Variants in TCF7L2 observed in about 807,000 individuals in gnomAD.
The protein encoded by TCF7L2 is transcription factor 7-like 2.
TCF7L2 carries 23 observed loss-of-function variants against 77.9 expected under a neutral mutation model. The observed-to-expected ratio is 0.30, with a 90% CI of 0.21 to 0.42. The LOEUF (loss-of-function observed/expected upper bound fraction) is 0.42, where lower values mean the gene tolerates loss of function less well. Ranked by LOEUF, TCF7L2 falls within the 10% of genes least tolerant of loss-of-function variation. The pLI is 1.00. For missense variants in TCF7L2, 654 were observed against 793.1 expected (o/e 0.82, Z 2.11); for synonymous variants, 413 against 340.2 (o/e 1.21, Z -2.36).
intron 5 of TCF7L2, among the ~76,000 whole-genome samples, chr10:113,051,333 C>T (rs2054447468): frequency 6.6e-6 from 1 of 151,974 alleles, no homozygotes; most frequent in Admixed American, 6.6e-5. Context: ...CTGTATGGCA[C>T]CATGGAGTTC....
intron 4 of TCF7L2, among the ~76,000 whole-genome samples, chr10:112,993,764 T>C (rs1239613946): frequency 6.6e-6 from 1 of 152,010 alleles, no homozygotes; most frequent in Non-Finnish European, 1.5e-5. Context: ...TTTCTTTTTT[T>C]TGAAAGTAGT....
intron 5 of TCF7L2, among the ~76,000 whole-genome samples, chr10:113,070,978 T>C (rs1265321561): frequency 6.6e-6 from 1 of 152,154 alleles, no homozygotes; most frequent in Non-Finnish European, 1.5e-5. Flanking sequence ...ACAACTAATA[T>C]ATTTTCTGCA....
At chr10:113,094,477 ACT>A (rs1425912335) in intron 5 of TCF7L2, among the ~76,000 whole-genome samples, 3 of 152,166 alleles carry the variant, frequency 2.0e-5, no homozygotes, top group Non-Finnish European at 4.4e-5. Context: ...CTAATTTAGA[ACT>A]CTCTACATTA....
At chr10:112,978,508 C>G (rs996263654) in intron 4 of TCF7L2, among the ~76,000 whole-genome samples, 1 of 151,720 alleles carries the variant, frequency 6.6e-6, no homozygotes, top group African/African-American at 2.4e-5. Flanking sequence ...CTCTGTCACC[C>G]AGGCTAGAGT....
intron 4 of TCF7L2, among the ~76,000 whole-genome samples, chr10:113,026,877 T>A (rs2049278192): frequency 6.6e-6 from 1 of 152,200 alleles, no homozygotes; most frequent in Non-Finnish European, 1.5e-5. Context: ...ATACCCAAAC[T>A]CGATGCTGTT....
chr10:113,100,278 C>T (rs750691316), intron 5 of TCF7L2, among the ~76,000 whole-genome samples: 23 of 152,214 alleles, frequency 1.5e-4, no homozygotes, highest in Non-Finnish European at 3.1e-4. Context: ...AGCATCCCCA[C>T]TGAAATGATA....
At chr10:112,986,199 C>T (rs967909819) in intron 4 of TCF7L2, among the ~76,000 whole-genome samples, 3 of 151,896 alleles carry the variant, frequency 2.0e-5, no homozygotes, top group Non-Finnish European at 4.4e-5. Flanking sequence ...GGGAAAGCAA[C>T]ATGAAAATGT....
intron 5 of TCF7L2, among the ~76,000 whole-genome samples, chr10:113,117,633 C>G (rs2064037857): frequency 6.6e-6 from 1 of 152,206 alleles, no homozygotes; most frequent in South Asian, 2.1e-4. Flanking sequence ...CTTACCAGTT[C>G]TCGGCATTCT....
At chr10:113,052,029 A>G (rs1388831876) in intron 5 of TCF7L2, among the ~76,000 whole-genome samples, 1 of 152,224 alleles carries the variant, frequency 6.6e-6, no homozygotes, top group African/African-American at 2.4e-5. Context: ...TATTTTTTAA[A>G]TCATGGAAAA....
chr10:113,012,859 A>T (rs2046688051), intron 4 of TCF7L2, among the ~76,000 whole-genome samples: 2 of 152,142 alleles, frequency 1.3e-5, no homozygotes, highest in African/African-American at 4.8e-5. Flanking sequence ...ATTAATTTTG[A>T]CTGATTTGTG....
intron 4 of TCF7L2, among the ~76,000 whole-genome samples, chr10:113,010,780 G>A (rs540930899): frequency 3.5e-4 from 53 of 152,346 alleles, no homozygotes; most frequent in African/African-American, 1.3e-3. Context: ...TTGGGAATCC[G>A]AGGTGGACAG....
intron 13 of TCF7L2, chr10:113,161,292 CA>C: frequency 2.2e-6 from 1 of 464,360 alleles, no homozygotes; most frequent in Admixed American, 3.7e-5. Flanking sequence ...GGGCTGCAAG[CA>C]GTGAGTCATG....
At chr10:112,994,467 T>G (rs1259767832) in intron 4 of TCF7L2, among the ~76,000 whole-genome samples, 1 of 152,260 alleles carries the variant, frequency 6.6e-6, no homozygotes, top group Non-Finnish European at 1.5e-5. Context: ...GTTTATTCAT[T>G]TATCTGTTTT....
At chr10:113,137,674 G>A (rs2067628996) in intron 5 of TCF7L2, among the ~76,000 whole-genome samples, 2 of 152,230 alleles carry the variant, frequency 1.3e-5, no homozygotes, top group African/African-American at 4.8e-5. Context: ...TGATTCTAAG[G>A]AGACTACATT....
chr10:113,156,874 C>T (rs969891637), intron 11 of TCF7L2, among the ~76,000 whole-genome samples: 5 of 152,200 alleles, frequency 3.3e-5, no homozygotes, highest in Admixed American at 2.0e-4. Flanking sequence ...TTACCTAACT[C>T]GTCAGTTTTC....
intron 4 of TCF7L2, among the ~76,000 whole-genome samples, chr10:112,988,967 T>C (rs1486876161): frequency 6.6e-6 from 1 of 152,118 alleles, no homozygotes; most frequent in Non-Finnish European, 1.5e-5. Context: ...CAGGGATACA[T>C]AGCTAGCAAG....
At chr10:113,037,960 G>T (rs2134219650) in intron 4 of TCF7L2, among the ~76,000 whole-genome samples, 1 of 152,316 alleles carries the variant, frequency 6.6e-6, no homozygotes, top group African/African-American at 2.4e-5. Flanking sequence ...TAGTTATGTG[G>T]TAAGTGAGAA....
chr10:113,112,134 T>C (rs1412652873), intron 5 of TCF7L2, among the ~76,000 whole-genome samples: 1 of 152,224 alleles, frequency 6.6e-6, no homozygotes, highest in Non-Finnish European at 1.5e-5. Context: ...GCAGGAACAT[T>C]GGCAGGGCTC....
At chr10:112,958,687 A>G (rs1371677690) in intron 3 of TCF7L2, among the ~76,000 whole-genome samples, 1 of 152,288 alleles carries the variant, frequency 6.6e-6, no homozygotes, top group South Asian at 2.1e-4. Context: ...GTACTAAAAT[A>G]TATTAGTAAA....
Sources: allele counts gnomAD v4.1 joint callset (sites outside exome capture counted in the v4.1 genomes callset), GRCh38; gene constraint gnomAD v4.1.1; transcripts MANE v1.5; gene names NCBI Gene and HGNC (gene_info 2026-07-23, HGNC 2026-07-21).